CORIN: variants seen among roughly 807,000 people sequenced by gnomAD.
CORIN encodes atrial natriuretic peptide-converting enzyme.
In CORIN, 117 loss-of-function variants were observed where a neutral mutation model predicts 125.3. The ratio of observed to expected loss-of-function variants is 0.93; its 90% CI spans 0.80 to 1.09. The LOEUF is 1.09. Ranked by LOEUF, CORIN falls within the 50% of genes least tolerant of loss-of-function variation. CORIN has a pLI of 0.00. For synonymous variants in CORIN, 450 were observed against 466.4 expected (o/e 0.96, Z 0.45); for missense variants, 1,253 against 1,306.7 (o/e 0.96, Z 0.63).
Position 47,594,164 on chromosome 4 carries a change from C to T in CORIN, c.*1557G>A, listed in dbSNP as rs1254139692. ...TTCTTGAACTTTCATACAATCGTGA[C>T]CACAATTCAGTTGCTGGATTTCACA... is the stretch of plus-strand genomic sequence containing the variant. On this transcript the variant is annotated 3_prime_UTR_variant, in exon 22 of 22. Coordinates refer to ENST00000273857, the MANE Select transcript of CORIN (RefSeq NM_006587.4). 3 of 152,134 alleles carry T rather than the reference C, an allele frequency of 2.0e-5. No individual in the cohort carries two copies. Among genetic ancestry groups the T allele is most frequent in the Non-Finnish European group, 4.4e-5 (3 of 67,982 alleles). The allele number at this position is 152,134 out of a possible 1,614,324, so 9.4% of individuals were successfully genotyped here.
At chr4:47,772,967 T>C (rs185207098) in intron 3 of CORIN, among the ~76,000 whole-genome samples, 66 of 152,282 alleles carry the variant, frequency 4.3e-4, no homozygotes, top group Non-Finnish European at 8.1e-4. Flanking sequence ...AATTCAAAAT[T>C]GAACTACTTA....
chr4:47,601,004 T>C (rs1721428908), intron 20 of CORIN, among the ~76,000 whole-genome samples: 1 of 152,250 alleles, frequency 6.6e-6, no homozygotes. Context: ...CATGAATCTT[T>C]CACTGTTTAG....
intron 5 of CORIN, among the ~76,000 whole-genome samples, chr4:47,723,912 C>T (rs764615727): frequency 2.6e-4 from 38 of 146,754 alleles, no homozygotes; most frequent in Non-Finnish European, 4.7e-4. Flanking sequence ...AGGAGAACGG[C>T]GTGAACCTGG....
intron 3 of CORIN, among the ~76,000 whole-genome samples, chr4:47,786,103 A>C (rs1052124678): frequency 6.6e-6 from 1 of 152,178 alleles, no homozygotes; most frequent in Non-Finnish European, 1.5e-5. Context: ...CAGATGAACC[A>C]CTACAAAATC....
At chr4:47,679,784 G>T in intron 8 of CORIN, 1 of 186,232 alleles carries the variant, frequency 5.4e-6, no homozygotes. Context: ...AACTACTCAT[G>T]TATTGTTTGC....
chr4:47,757,146 G>A (rs1729185995), intron 4 of CORIN, among the ~76,000 whole-genome samples: 1 of 151,658 alleles, frequency 6.6e-6, no homozygotes, highest in African/African-American at 2.4e-5. Flanking sequence ...AAATATAAAA[G>A]AAAAATATAT....
At chr4:47,605,951 C>A (rs1453900565) in intron 19 of CORIN, among the ~76,000 whole-genome samples, 1 of 152,144 alleles carries the variant, frequency 6.6e-6, no homozygotes, top group Non-Finnish European at 1.5e-5. Flanking sequence ...TTGGGGCAGA[C>A]TCTACTAACA....
rs1727002524 is a variant in CORIN at position 47,714,540 on chromosome 4, C to T, written c.800-21457G>A. Reference sequence around the variant, plus strand: ...ACTGGAACTACGATTTTCTAATGTCCAATTCAGAGTTAACCTAGAACAGAG... The same window carrying T: ...ACTGGAACTACGATTTTCTAATGTCTAATTCAGAGTTAACCTAGAACAGAG... On this transcript the variant is annotated intron_variant, in intron 5 of 21. Coordinates refer to ENST00000273857, the MANE Select transcript of CORIN (RefSeq NM_006587.4). 7.2e-5 allele frequency among the ~76,000 whole-genome samples: 11 copies of T among 152,248 alleles called. No individual in the cohort carries two copies. In the South Asian group the frequency reaches 2.3e-3, roughly 32 times the overall value.
At chr4:47,655,323 C>T (rs917421710) in intron 12 of CORIN, among the ~76,000 whole-genome samples, 1 of 152,170 alleles carries the variant, frequency 6.6e-6, no homozygotes, top group Admixed American at 6.5e-5. Context: ...TGTCTTGCAG[C>T]TTAGGTACCA....
intron 3 of CORIN, among the ~76,000 whole-genome samples, chr4:47,785,673 G>C (rs777611902): frequency 6.6e-6 from 1 of 152,156 alleles, no homozygotes; most frequent in South Asian, 2.1e-4. Context: ...CAGCACTTTG[G>C]GAGGCCGAGG....
At chr4:47,820,075 C>T (rs749884674) in intron 1 of CORIN, among the ~76,000 whole-genome samples, 16 of 152,124 alleles carry the variant, frequency 1.1e-4, no homozygotes, top group Non-Finnish European at 2.4e-4. Flanking sequence ...TGTCACTTTC[C>T]TCCCCTCCCG....
intron 1 of CORIN, among the ~76,000 whole-genome samples, chr4:47,823,349 T>C (rs1008688856): frequency 1.2e-4 from 19 of 152,194 alleles, no homozygotes; most frequent in African/African-American, 4.3e-4. Flanking sequence ...TAGCCTTGCA[T>C]CACCCTTGGA....
intron 2 of CORIN, among the ~76,000 whole-genome samples, chr4:47,802,941 A>G (rs1320641559): frequency 6.6e-6 from 1 of 152,150 alleles, no homozygotes; most frequent in Non-Finnish European, 1.5e-5. Context: ...TGTTTGGGAG[A>G]AAGTAAGGAA....
intron 5 of CORIN, among the ~76,000 whole-genome samples, chr4:47,728,485 A>C (rs1481373564): frequency 6.6e-6 from 1 of 152,214 alleles, no homozygotes; most frequent in East Asian, 1.9e-4. Flanking sequence ...TAAATTGACC[A>C]TGATGGGGCG....
chr4:47,726,485 T>C (rs1727604105), intron 5 of CORIN, among the ~76,000 whole-genome samples: 1 of 152,074 alleles, frequency 6.6e-6, no homozygotes, highest in South Asian at 2.1e-4. Flanking sequence ...TGTGACATTC[T>C]AGAAAAGCCA....
intron 5 of CORIN, among the ~76,000 whole-genome samples, chr4:47,742,400 A>G (rs1728447442): frequency 6.6e-6 from 1 of 152,040 alleles, no homozygotes; most frequent in African/African-American, 2.4e-5. Context: ...GAATTTACAG[A>G]CAAATTATAA....
At chr4:47,772,102 T>TAG (rs1392420035) in intron 3 of CORIN, among the ~76,000 whole-genome samples, 3 of 151,950 alleles carry the variant, frequency 2.0e-5, no homozygotes, top group Non-Finnish European at 2.9e-5. Context: ...GATAGATAGA[T>TAG]AGATAGATAG....
At chr4:47,626,583 CATT>C in intron 16 of CORIN, 62 bp from the exon 17 acceptor site, 1 of 989,418 alleles carries the variant, frequency 1.0e-6, no homozygotes, top group South Asian at 1.3e-5. Flanking sequence ...CAGGCATTAT[CATT>C]ATTTAGCACT....
chr4:47,765,456 G>A (rs1453430864), intron 3 of CORIN, among the ~76,000 whole-genome samples: 1 of 152,112 alleles, frequency 6.6e-6, no homozygotes, highest in Non-Finnish European at 1.5e-5. Context: ...TATTTGGACT[G>A]TTTTCAACTT....
Sources: allele counts gnomAD v4.1 joint callset (sites outside exome capture counted in the v4.1 genomes callset), GRCh38; gene constraint gnomAD v4.1.1; transcripts MANE v1.5; gene names NCBI Gene and HGNC (gene_info 2026-07-23, HGNC 2026-07-21).